The following IQGAP3 variants were observed in gnomAD, a reference collection of about 807,000 sequenced individuals.
The protein encoded by IQGAP3 is ras GTPase-activating-like protein IQGAP3.
In IQGAP3, 165 loss-of-function variants were observed where a neutral mutation model predicts 208.2. That is an observed-to-expected ratio of 0.79 (90% CI 0.70 to 0.90). IQGAP3 has a LOEUF of 0.90. Among genes scored for constraint, IQGAP3 ranks in the 40% least tolerant of loss-of-function variants. The pLI, the probability that IQGAP3 is intolerant of heterozygous loss-of-function variation, is 0.00. For synonymous variants in IQGAP3, 703 were observed against 803.6 expected, an observed-to-expected ratio of 0.87 and a Z score of 2.12; for missense variants, 1,811 against 2,043.1, an observed-to-expected ratio of 0.89 and a Z score of 2.19.
rs186469606 is a variant in IQGAP3 at position 156,529,075 on chromosome 1, C to T, written c.4412G>A (p.Arg1471His). The change falls in exon 35 of 38, where the codon CGC becomes CAC. Residue 1471 changes from arginine to histidine, a missense_variant. Arg to His is a conservative substitution (Grantham distance 29). Transcript: ENST00000361170. ...CCTGTGCCTGTGTCTGTGCTGGTTGCGGATGTCCTGGGGTTGGGGAACAGA... is the reference window on the plus strand; with the variant it reads ...CCTGTGCCTGTGTCTGTGCTGGTTGTGGATGTCCTGGGGTTGGGGAACAGA... ...GLVDELAKDIRNQHRHRHRRK... is the reference protein window; with the variant it reads ...GLVDELAKDIHNQHRHRHRRK... 22 of 1,614,006 alleles carry T rather than the reference C, an allele frequency of 1.4e-5. No individual in the cohort carries two copies. The African/African-American group carries it at 2.0e-4, about 15-fold the overall frequency.
At chr1:156,559,693 C>T (rs1676058462) in intron 11 of IQGAP3, among the ~76,000 whole-genome samples, 1 of 152,124 alleles carries the variant, frequency 6.6e-6, no homozygotes, top group South Asian at 2.1e-4. Flanking sequence ...ACCCACAGGA[C>T]CAGAAGCCCG....
At chr1:156,562,156 C>A (rs1435843333) in intron 9 of IQGAP3, among the ~76,000 whole-genome samples, 155 bp from the exon 10 acceptor site, 1 of 152,028 alleles carries the variant, frequency 6.6e-6, no homozygotes, top group African/African-American at 2.4e-5. Context: ...AGCCCAAATT[C>A]TTCAGCTTGG....
At chr1:156,567,783 T>A (rs1338091812) in intron 2 of IQGAP3, among the ~76,000 whole-genome samples, 1 of 152,250 alleles carries the variant, frequency 6.6e-6, no homozygotes, top group Non-Finnish European at 1.5e-5. Flanking sequence ...CTGCTTTTCC[T>A]GTACAGATTG....
At position 156,530,172 on chromosome 1, in the gene IQGAP3, C is replaced by T. The variant is rs774732936; in HGVS notation, c.4337G>A (p.Arg1446Gln). ...KQRRVLRNLRRLEALGLVSAR... is the reference protein window; with the variant it reads ...KQRRVLRNLRQLEALGLVSAR... ...GCTGACCAACCCCAGGGCTTCAAGT[C>T]GGCGTAGGTTCCGCAGGACGCGCCG... is the stretch of plus-strand genomic sequence containing the variant. Residue 1446 changes from arginine (R) to glutamine (Q), a missense_variant, in exon 34 of 38, where the codon CGA becomes CAA. Physicochemically the swap from Arg to Gln is conservative, Grantham distance 43. Coordinates refer to ENST00000361170, the MANE Select transcript of IQGAP3 (RefSeq NM_178229.5). 54 of 1,611,490 alleles carry T rather than the reference C, an allele frequency of 3.4e-5. 1 individual carries two copies. Among genetic ancestry groups the T allele is most frequent in the East Asian group, 1.8e-4 (8 of 44,818 alleles).
chr1:156,545,293 A>C (rs1042127292), intron 19 of IQGAP3, among the ~76,000 whole-genome samples: 2 of 151,958 alleles, frequency 1.3e-5, no homozygotes, highest in Non-Finnish European at 2.9e-5. Flanking sequence ...AATTTTCCTA[A>C]AGTACCTCTT....
chr1:156,557,627 C>T (rs1306508163), intron 11 of IQGAP3, among the ~76,000 whole-genome samples: 1 of 41,870 alleles, frequency 2.4e-5, no homozygotes, highest in Non-Finnish European at 5.7e-5. Context: ...GGTCAGCCCC[C>T]CGCCCGGCCA....
chr1:156,568,647 C>T (rs1156385927), intron 2 of IQGAP3, among the ~76,000 whole-genome samples: 3 of 152,296 alleles, frequency 2.0e-5, no homozygotes, highest in Admixed American at 6.5e-5. Context: ...CTCAGCCCCC[C>T]AAGTAGCTGG....
intron 13 of IQGAP3, among the ~76,000 whole-genome samples, chr1:156,552,984 G>A (rs1675626620): frequency 6.6e-6 from 1 of 152,202 alleles, no homozygotes; most frequent in Admixed American, 6.5e-5. Context: ...TGAGTTGGGA[G>A]GATCACTTGA....
intron 12 of IQGAP3, among the ~76,000 whole-genome samples, chr1:156,556,160 GAAC>G (rs1318482935): frequency 6.6e-6 from 1 of 152,232 alleles, no homozygotes; most frequent in African/African-American, 2.4e-5. Flanking sequence ...TGTCAGAGAA[GAAC>G]TATGGATTGG....
At chr1:156,547,388 G>GACACAGACACAC (rs1553225631) in intron 19 of IQGAP3, among the ~76,000 whole-genome samples, 1 of 147,328 alleles carries the variant, frequency 6.8e-6, no homozygotes, top group Admixed American at 6.7e-5. Context: ...CAGACACACA[G>GACACAGACACAC]ACACACACAC....
intron 3 of IQGAP3, 102 bp from the exon 4 acceptor site, chr1:156,566,206 GGGA>G: frequency 1.6e-6 from 2 of 1,246,066 alleles, no homozygotes; most frequent in Non-Finnish European, 2.3e-6. Context: ...ATGGGCAGAG[GGGA>G]ACCAGAGGAC....
At chr1:156,560,861 G>A in intron 11 of IQGAP3, 73 bp downstream of exon 11, 2 of 1,077,630 alleles carry the variant, frequency 1.9e-6, no homozygotes, top group Non-Finnish European at 2.8e-6. Flanking sequence ...ACAGAAGCCA[G>A]CAAAGAGGTG....
At chr1:156,562,537 G>C in intron 9 of IQGAP3, 50 bp downstream of exon 9, 1 of 1,455,510 alleles carries the variant, frequency 6.9e-7, no homozygotes, top group East Asian at 2.3e-5. Context: ...CCCAGTGCAG[G>C]GGCTTACCCT....
Position 156,554,429 on chromosome 1 carries a change from G to A in IQGAP3, c.1291-37C>T. 1.9e-6 allele frequency: 3 copies of A among 1,561,974 alleles called. No individual in the cohort carries two copies. In the African/African-American group the frequency reaches 4.1e-5, roughly 21 times the overall value. ...GGGAGGGCCAATTCCCAAGTGGGCAGGTGAAGGGTCTAAAGGCCTATTCAC... is the reference window on the plus strand; with the variant it reads ...GGGAGGGCCAATTCCCAAGTGGGCAAGTGAAGGGTCTAAAGGCCTATTCAC... On this transcript the variant is annotated intron_variant, in intron 12 of 37. Coordinates refer to ENST00000361170, the MANE Select transcript of IQGAP3 (RefSeq NM_178229.5).
chr1:156,564,266 G>C (rs1163395350), intron 5 of IQGAP3, among the ~76,000 whole-genome samples: 1 of 152,020 alleles, frequency 6.6e-6, no homozygotes, highest in African/African-American at 2.4e-5. Context: ...CTGTAAGTAG[G>C]ACCAAAGAGC....
intron 4 of IQGAP3, among the ~76,000 whole-genome samples, chr1:156,565,023 C>A (rs749160876): frequency 2.0e-5 from 3 of 152,154 alleles, no homozygotes; most frequent in African/African-American, 4.8e-5. Flanking sequence ...AAAAACCAGG[C>A]CCCCAGTTGT....
Position 156,548,263 on chromosome 1 carries a change from A to T in IQGAP3, c.2134-20T>A, listed in dbSNP as rs764524195. The T allele has an allele frequency of 1.2e-6, 2 of 1,611,248 alleles. No homozygotes were observed. Among genetic ancestry groups the T allele is most frequent in the South Asian group, 2.2e-5 (2 of 90,942 alleles). On this transcript the variant is annotated intron_variant, in intron 18 of 37. Coordinates refer to ENST00000361170, the MANE Select transcript of IQGAP3 (RefSeq NM_178229.5). Reference sequence around the variant, plus strand: ...AGCTGACTGTGGAGGCAGGAGAGAGACGCTGTGGTCTTTTGGGGAGTGGGA... The same window carrying T: ...AGCTGACTGTGGAGGCAGGAGAGAGTCGCTGTGGTCTTTTGGGGAGTGGGA...
At chr1:156,565,311 A>G (rs555232697) in intron 4 of IQGAP3, among the ~76,000 whole-genome samples, 41 of 152,342 alleles carry the variant, frequency 2.7e-4, no homozygotes, top group African/African-American at 9.6e-4. Context: ...ATTTAGATTC[A>G]CAATAAAAGA....
At chr1:156,556,877 A>C (rs1406439818) in intron 11 of IQGAP3, among the ~76,000 whole-genome samples, 184 bp from the exon 12 acceptor site, 1 of 152,252 alleles carries the variant, frequency 6.6e-6, no homozygotes, top group Non-Finnish European at 1.5e-5. Context: ...GGGTTGCTTT[A>C]ACAAGAGGCT....
Sources: gnomAD v4.1 joint callset for allele counts (sites outside exome capture counted in the v4.1 genomes callset) on GRCh38, gnomAD v4.1.1 for gene constraint, MANE v1.5 for transcripts, NCBI Gene and HGNC (gene_info 2026-07-23, HGNC 2026-07-21) for gene names.